Variants in EYA4 observed in about 807,000 individuals in gnomAD.
EYA4 encodes EYA transcriptional coactivator and phosphatase 4.
In EYA4, 31 loss-of-function variants were observed where a neutral mutation model predicts 87.9. The observed-to-expected ratio is 0.35, with a 90% CI of 0.27 to 0.48. EYA4 has a LOEUF of 0.48. Among genes scored for constraint, EYA4 ranks in the 20% least tolerant of loss-of-function variants. The probability of loss-of-function intolerance (pLI) is 0.99; values close to 1 mark genes in which losing one functional copy is unlikely to be tolerated. For synonymous variants in EYA4, 263 were observed against 270.6 expected (o/e 0.97, Z 0.28); for missense variants, 678 against 761.4 (o/e 0.89, Z 1.29).
intron 5 of EYA4, among the ~76,000 whole-genome samples, chr6:133,450,714 T>C (rs1176274376): frequency 6.6e-6 from 1 of 152,226 alleles, no homozygotes; most frequent in Non-Finnish European, 1.5e-5. Flanking sequence ...TTTCACCACG[T>C]TGGCCAGGCT....
At chr6:133,320,980 T>A (rs1020069136) in intron 2 of EYA4, among the ~76,000 whole-genome samples, 2 of 152,178 alleles carry the variant, frequency 1.3e-5, no homozygotes, top group East Asian at 1.9e-4. Flanking sequence ...TTTTGAATAA[T>A]ACTTTAGCTG....
intron 3 of EYA4, among the ~76,000 whole-genome samples, chr6:133,387,624 ATAAT>A (rs1482095045): frequency 8.5e-5 from 13 of 152,248 alleles, no homozygotes; most frequent in African/African-American, 3.1e-4. Flanking sequence ...ATGCAAAGTA[ATAAT>A]TAATTCCTTT....
chr6:133,301,201 A>C (rs1451323574), intron 2 of EYA4, among the ~76,000 whole-genome samples: 1 of 152,260 alleles, frequency 6.6e-6, no homozygotes, highest in East Asian at 1.9e-4. Context: ...CCATCTTGAT[A>C]AGAAATTTTA....
intron 3 of EYA4, among the ~76,000 whole-genome samples, chr6:133,406,133 A>C (rs147100197): frequency 2.6e-5 from 4 of 152,278 alleles, no homozygotes; most frequent in African/African-American, 9.6e-5. Context: ...ATTTTTATTT[A>C]CTAATTGACC....
intron 3 of EYA4, among the ~76,000 whole-genome samples, chr6:133,433,444 C>G (rs917601273): frequency 6.6e-6 from 1 of 152,220 alleles, no homozygotes; most frequent in African/African-American, 2.4e-5. Context: ...AGGTATACCT[C>G]TAGTACCCTC....
intron 2 of EYA4, among the ~76,000 whole-genome samples, chr6:133,338,247 A>G (rs1157757656): frequency 6.6e-6 from 1 of 152,190 alleles, no homozygotes; most frequent in Non-Finnish European, 1.5e-5. Flanking sequence ...GTAAATAGAA[A>G]AAAAGGTCAC....
At chr6:133,438,072 G>T (rs1014829224) in intron 3 of EYA4, among the ~76,000 whole-genome samples, 35 of 152,120 alleles carry the variant, frequency 2.3e-4, no homozygotes, top group African/African-American at 8.2e-4. Context: ...AGAAAATGAA[G>T]TGTCACAATT....
In EYA4 at chr6:133,529,065, A is replaced by G. The variant is rs1800853153; in HGVS notation, c.*260A>G. Reference sequence around the variant, plus strand: ...CTGTGGAGGTTGCTGGTACACACCAAATGAGTCCAAACTGGAATGAGCAGC... The same window carrying G: ...CTGTGGAGGTTGCTGGTACACACCAGATGAGTCCAAACTGGAATGAGCAGC... On this transcript the variant is annotated 3_prime_UTR_variant, in exon 20 of 20. Transcript: ENST00000355286. 4 of 1,251,770 alleles carry G rather than the reference A, an allele frequency of 3.2e-6. No homozygotes were observed. The South Asian group carries it at 4.7e-5, about 15-fold the overall frequency. The allele number at this position is 1,251,770 out of a possible 1,614,324, so 77.5% of individuals were successfully genotyped here. A position where few individuals can be genotyped will look rare whatever the true frequency, so the allele number is the denominator to read the frequency against.
At chr6:133,404,859 GGAGA>G (rs1345556713) in intron 3 of EYA4, among the ~76,000 whole-genome samples, 1 of 152,176 alleles carries the variant, frequency 6.6e-6, no homozygotes, top group African/African-American at 2.4e-5. Flanking sequence ...CTTCGCATGA[GGAGA>G]GAGAGAAATG....
intron 2 of EYA4, among the ~76,000 whole-genome samples, chr6:133,357,979 T>G (rs1020568777): frequency 1.3e-4 from 20 of 152,138 alleles, no homozygotes; most frequent in African/African-American, 4.8e-4. Flanking sequence ...TAGGCCCTGT[T>G]TATCTAAAGT....
At chr6:133,473,051 C>T (rs1795413650) in intron 11 of EYA4, among the ~76,000 whole-genome samples, 1 of 151,896 alleles carries the variant, frequency 6.6e-6, no homozygotes, top group Non-Finnish European at 1.5e-5. Flanking sequence ...AAAGAACTGT[C>T]AAAATTCACT....
chr6:133,284,557 A>G (rs1777879938), intron 2 of EYA4, among the ~76,000 whole-genome samples: 1 of 152,216 alleles, frequency 6.6e-6, no homozygotes, highest in African/African-American at 2.4e-5. Context: ...TCAATTAAGT[A>G]AGCATTTCAA....
chr6:133,276,901 CAAAAAAAA>C (rs3065337), intron 2 of EYA4, among the ~76,000 whole-genome samples: 1 of 133,686 alleles, frequency 7.5e-6, no homozygotes, highest in Non-Finnish European at 1.6e-5. Context: ...ATAGAAATGT[CAAAAAAAA>C]AAAAAAAAAG....
intron 11 of EYA4, among the ~76,000 whole-genome samples, chr6:133,474,899 T>C (rs750739789): frequency 6.6e-6 from 1 of 152,154 alleles, no homozygotes; most frequent in Non-Finnish European, 1.5e-5. Context: ...TGAATTCTAC[T>C]TTTATAATGA....
At chr6:133,522,880 ATTC>A (rs143334620) in intron 17 of EYA4, among the ~76,000 whole-genome samples, 173 bp from the exon 18 acceptor site, 1 of 152,286 alleles carries the variant, frequency 6.6e-6, no homozygotes, top group African/African-American at 2.4e-5. Context: ...GGGTTTGTAT[ATTC>A]TTCTTAATAA....
chr6:133,412,973 A>T (rs1475048848), intron 3 of EYA4, among the ~76,000 whole-genome samples: 1 of 152,198 alleles, frequency 6.6e-6, no homozygotes, highest in African/African-American at 2.4e-5. Context: ...ATTAGATAGG[A>T]TGCAGTCATG....
At chr6:133,499,628 A>G (rs1797936498) in intron 13 of EYA4, among the ~76,000 whole-genome samples, 1 of 152,018 alleles carries the variant, frequency 6.6e-6, no homozygotes, top group Non-Finnish European at 1.5e-5. Context: ...AAAATCTTTT[A>G]ATTCAAAATG....
At chr6:133,434,773 A>G (rs1374740775) in intron 3 of EYA4, among the ~76,000 whole-genome samples, 1 of 152,178 alleles carries the variant, frequency 6.6e-6, no homozygotes, top group Non-Finnish European at 1.5e-5. Context: ...TGGGAAACCT[A>G]GATTTGTTTA....
In EYA4 at chr6:133,394,282, G is replaced by GTATTTTTTTTTTT. The variant is rs1562368948; in HGVS notation, c.83+11842_83+11843insATTTTTTTTTTTT. Among the ~76,000 whole-genome samples, 16 of 107,818 alleles carry GTATTTTTTTTTTT rather than the reference G, an allele frequency of 1.5e-4. 5 individuals carry two copies. The highest frequency in any genetic ancestry group is 1.4e-4 in the African/African-American group (3 of 20,844). 70.7% of individuals were successfully genotyped at this position (107,818 alleles called of 152,430 possible). On this transcript the variant is annotated intron_variant, in intron 3 of 19. Transcript: ENST00000355286. ...GTTGGAAAAATGTATATATAAGCTT[G>GTATTTTTTTTTTT]TGTTTTTTTTTTTTTTTTTTTTTTT...
Sources: gnomAD v4.1 joint callset for allele counts (sites outside exome capture counted in the v4.1 genomes callset) on GRCh38, gnomAD v4.1.1 for gene constraint, MANE v1.5 for transcripts, NCBI Gene and HGNC (gene_info 2026-07-23, HGNC 2026-07-21) for gene names.